The following APPL1 variants were observed in gnomAD, a reference collection of about 807,000 sequenced individuals.
APPL1 encodes adaptor protein, phosphotyrosine interacting with PH domain and leucine zipper 1.
A neutral mutation model predicts 106.8 loss-of-function variants in APPL1; 42 were observed. That is an observed-to-expected ratio of 0.39 (90% CI 0.31 to 0.51). The LOEUF is 0.51. Ranked by LOEUF, APPL1 falls within the 20% of genes least tolerant of loss-of-function variation. APPL1 has a pLI of 0.75. For missense variants in APPL1, 769 were observed against 858.2 expected (o/e 0.90, Z 1.30); for synonymous variants, 263 against 281.8 (o/e 0.93, Z 0.67).
intron 2 of APPL1, 81 bp from the exon 3 acceptor site, chr3:57,237,411 A>G: frequency 1.4e-5 from 13 of 927,776 alleles, no homozygotes; most frequent in Non-Finnish European, 2.0e-5. Context: ...GTTAAGTGAT[A>G]ATAAATAAAT....
chr3:57,268,436 A>G lies in APPL1; in HGVS notation c.1932A>G (p.Arg644=), dbSNP rs2060910132. 6.2e-7 allele frequency: 1 copy of G among 1,603,160 alleles called. No homozygotes were observed. The highest frequency in any genetic ancestry group is 8.5e-7 in the Non-Finnish European group (1 of 1,173,812). Residue 644 remains arginine, a synonymous_variant, in exon 21 of 22, where the codon AGA becomes AGG. Coordinates refer to ENST00000288266, the MANE Select transcript of APPL1 (RefSeq NM_012096.3). ...RASEKQKEIE[R]VKEKQQKELN... ...CAGAAAAACAAAAAGAAATAGAGAG[A>G]GTAAAAGAGAAGCAACAGAAAGAAC... is the stretch of plus-strand genomic sequence containing the variant.
intron 12 of APPL1, among the ~76,000 whole-genome samples, chr3:57,253,113 T>C (rs1307182240): frequency 6.6e-6 from 1 of 152,190 alleles, no homozygotes; most frequent in Non-Finnish European, 1.5e-5. Flanking sequence ...TTTGGGCACT[T>C]GAATCCTCGA....
chr3:57,242,887 TTTATCAAAA>T lies in APPL1; in HGVS notation c.448_456del (p.Leu150_Lys152del). On this transcript the variant is annotated inframe_deletion, in exon 7 of 22. Transcript: ENST00000288266. Reference sequence around the variant, plus strand: ...ATGCTGCGATTAATAGATATAGCCGTTTATCAAAAAAAAGAGAAAATGACAAGGTGTGGT... The same window carrying T: ...ATGCTGCGATTAATAGATATAGCCGTAAAAGAGAAAATGACAAGGTGTGGT... The T allele has an allele frequency of 6.2e-7, 1 of 1,611,950 alleles. No homozygotes were observed. The highest frequency in any genetic ancestry group is 8.5e-7 in the Non-Finnish European group (1 of 1,178,630).
At chr3:57,259,415 T>A (rs894363703) in intron 16 of APPL1, among the ~76,000 whole-genome samples, 4 of 152,192 alleles carry the variant, frequency 2.6e-5, no homozygotes, top group Non-Finnish European at 5.9e-5. Flanking sequence ...TTATTTGAAT[T>A]CTAAACTTAC....
At chr3:57,268,098 A>C (rs1485138515) in intron 20 of APPL1, 6 of 471,064 alleles carry the variant, frequency 1.3e-5, no homozygotes, top group Non-Finnish European at 2.2e-5. Context: ...ATCTCAAAAA[A>C]AAAAAAGGAA....
chr3:57,234,926 A>T (rs1329467180), intron 1 of APPL1, among the ~76,000 whole-genome samples: 11 of 152,206 alleles, frequency 7.2e-5, no homozygotes, highest in Admixed American at 7.2e-4. Flanking sequence ...AAGTGCTGAG[A>T]TTACAGGCAT....
At chr3:57,263,946 G>A (rs992107678) in intron 19 of APPL1, among the ~76,000 whole-genome samples, 4 of 151,950 alleles carry the variant, frequency 2.6e-5, no homozygotes, top group African/African-American at 9.7e-5. Flanking sequence ...TCTATTTTTA[G>A]TTTTTTGAGG....
chr3:57,271,274 G>T lies in APPL1; in HGVS notation c.*1587G>T, dbSNP rs1416506759. The T allele has an allele frequency of 3.3e-5, 5 of 152,422 alleles. No individual in the cohort carries two copies. Among genetic ancestry groups the T allele is most frequent in the Non-Finnish European group, 5.9e-5 (4 of 67,988 alleles). 9.4% of individuals were successfully genotyped at this position (152,422 alleles called of 1,614,324 possible). A position where few individuals can be genotyped will look rare whatever the true frequency, so the allele number is the denominator to read the frequency against. On this transcript the variant is annotated 3_prime_UTR_variant, in exon 22 of 22. Transcript: ENST00000288266. ...GTAGGAATAGGATAATGATATATAG[G>T]ATCATGATATTCCTTCTATCCATGT...
In APPL1 at chr3:57,239,973, T is replaced by C. The variant is rs1315340909; in HGVS notation, c.286-492T>C. ...TCTAATGATATTGAGCACCTTTTCA[T>C]GTGCTTATTGGCCATTTGTTTATCT... On this transcript the variant is annotated intron_variant, in intron 4 of 21. Transcript: ENST00000288266. 2.0e-5 allele frequency among the ~76,000 whole-genome samples: 3 copies of C among 152,190 alleles called. No homozygotes were observed. The East Asian group carries it at 5.8e-4, about 29-fold the overall frequency.
Position 57,257,404 on chromosome 3 carries a change from CAAAAGCCTTTGGCCAGGG to C in APPL1, c.1408_1425del (p.Lys470_Gly475del). 6.2e-7 allele frequency: 1 copy of C among 1,613,164 alleles called. No homozygotes were observed. Among genetic ancestry groups the C allele is most frequent in the Non-Finnish European group, 8.5e-7 (1 of 1,179,526 alleles). ...GTGTGTGAAGATCAGCCTGGCCAGG[CAAAAGCCTTTGGCCAGGG>C]AGGCAGGTGGGTGATAGCATCACAG... On this transcript the variant is annotated inframe_deletion, in exon 15 of 22. Coordinates refer to ENST00000288266, the MANE Select transcript of APPL1 (RefSeq NM_012096.3).
rs985555433 is a variant in APPL1, at chr3:57,266,708, T to A, written c.1843-1034T>A. Among the ~76,000 whole-genome samples, 25 of 152,190 alleles carry A rather than the reference T, an allele frequency of 1.6e-4. 1 individual carries two copies. The highest frequency in any genetic ancestry group is 1.5e-3 in the Admixed American group (23 of 15,276). On this transcript the variant is annotated intron_variant, in intron 19 of 21. Transcript: ENST00000288266. ...CTCTGATCCTTATAATTTCTTGTAG[T>A]ATTTTTATAGTTTTGGGTCTTATGT...
intron 21 of APPL1, 58 bp downstream of exon 21, chr3:57,268,545 C>T: frequency 6.7e-7 from 1 of 1,481,726 alleles, no homozygotes; most frequent in Non-Finnish European, 9.0e-7. Flanking sequence ...TAATTCAGCA[C>T]TATGACTTTC....
At chr3:57,251,626 G>T (rs1260529759) in intron 11 of APPL1, among the ~76,000 whole-genome samples, 1 of 149,530 alleles carries the variant, frequency 6.7e-6, no homozygotes, top group Admixed American at 6.7e-5. Context: ...TGCCAATATT[G>T]TGTGGATTTA....
chr3:57,247,237 A>G lies in APPL1; in HGVS notation c.622-158A>G, dbSNP rs552188322. Among the ~76,000 whole-genome samples the G allele has an allele frequency of 2.0e-5, 3 of 152,342 alleles. No homozygotes were observed. In the South Asian group the frequency reaches 6.2e-4, roughly 32 times the overall value. On this transcript the variant is annotated intron_variant, in intron 8 of 21. Transcript: ENST00000288266. The stretch of plus-strand genomic sequence containing the variant: ...TAACTTCCTTAATGGCTCCCTGTGC[A>G]GTAGAAGTCACAAACTACAATGTAT...
At chr3:57,242,947 A>T in intron 7 of APPL1, 33 bp downstream of exon 7, 1 of 1,521,760 alleles carries the variant, frequency 6.6e-7, no homozygotes, top group Non-Finnish European at 9.1e-7. Context: ...CAGTGTCATA[A>T]TTAACTATTC....
chr3:57,260,644 T>C lies in APPL1; in HGVS notation c.1712T>C (p.Val571Ala). 1 of 1,609,702 alleles carries C rather than the reference T, an allele frequency of 6.2e-7. No homozygotes were observed. Among genetic ancestry groups the C allele is most frequent in the Non-Finnish European group, 8.5e-7 (1 of 1,177,372 alleles). Residue 571 changes from valine (V) to alanine (A), a missense_variant, in exon 19 of 22, where the codon GTA becomes GCA. Physicochemically the swap from Val to Ala is moderately conservative, Grantham distance 64. Transcript: ENST00000288266. ...CTGTGGCAGTTTCCATTACCTTGTGTAGTTTTGTATGCTACACACCAGGAA... is the reference window on the plus strand; with the variant it reads ...CTGTGGCAGTTTCCATTACCTTGTGCAGTTTTGTATGCTACACACCAGGAA... ...VTRLTFPLPC[V>A]VLYATHQENK...
In APPL1 at chr3:57,272,610, G is replaced by GTT. The variant is rs757294507; in HGVS notation, c.*2929_*2930dup. On this transcript the variant is annotated 3_prime_UTR_variant, in exon 22 of 22. Transcript: ENST00000288266. ...ACCTGAATAAAATGAAAAAAAAAGTGTTTTTTTGAGACAGAGTCTTGCTCT... is the reference window on the plus strand; with the variant it reads ...ACCTGAATAAAATGAAAAAAAAAGTGTTTTTTTTTGAGACAGAGTCTTGCTCT... The GTT allele has an allele frequency of 1.2e-4, 18 of 151,848 alleles. No individual in the cohort carries two copies. Among genetic ancestry groups the GTT allele is most frequent in the African/African-American group, 4.4e-4 (18 of 41,294 alleles). The allele number at this position is 151,848 out of a possible 1,614,324, so 9.4% of individuals were successfully genotyped here. A position where few individuals can be genotyped will look rare whatever the true frequency, so the allele number is the denominator to read the frequency against.
intron 4 of APPL1, among the ~76,000 whole-genome samples, chr3:57,239,476 G>A (rs2060734230): frequency 6.6e-6 from 1 of 151,890 alleles, no homozygotes; most frequent in Non-Finnish European, 1.5e-5. Context: ...TCCTTTTTTG[G>A]CTAAATAAAA....
In APPL1 at chr3:57,273,243, TAATCATGCAGTGTACAATTCAA is replaced by T. The variant is rs2107617733; in HGVS notation, c.*3566_*3587del. ...TTGATTCTTATTTCACTGATACTAT[TAATCATGCAGTGTACAATTCAA>T]AATCATGCAATGTTTCACTTTAGAA... On this transcript the variant is annotated 3_prime_UTR_variant, in exon 22 of 22. Coordinates refer to ENST00000288266, the MANE Select transcript of APPL1 (RefSeq NM_012096.3). The T allele has an allele frequency of 6.5e-6, 1 of 152,782 alleles. No individual in the cohort carries two copies. The highest frequency in any genetic ancestry group is 2.1e-4 in the South Asian group (1 of 4,830). 9.5% of individuals were successfully genotyped at this position (152,782 alleles called of 1,614,324 possible). A position where few individuals can be genotyped will look rare whatever the true frequency, so the allele number is the denominator to read the frequency against.
Sources: allele counts gnomAD v4.1 joint callset (sites outside exome capture counted in the v4.1 genomes callset), GRCh38; gene constraint gnomAD v4.1.1; transcripts MANE v1.5; gene names NCBI Gene and HGNC (gene_info 2026-07-23, HGNC 2026-07-21).